Variants in DNM1L observed in about 807,000 individuals in gnomAD.
The protein encoded by DNM1L is dynamin-1-like protein.
DNM1L carries 33 observed loss-of-function variants against 92.8 expected under a neutral mutation model. The observed-to-expected ratio is 0.36, with a 90% CI of 0.27 to 0.48. DNM1L has a LOEUF of 0.48. Ranked by LOEUF, DNM1L falls within the 20% of genes least tolerant of loss-of-function variation. The pLI, the probability that DNM1L is intolerant of heterozygous loss-of-function variation, is 0.99. For synonymous variants in DNM1L, 284 were observed against 305.0 expected (o/e 0.93, Z 0.72); for missense variants, 485 against 888.8 (o/e 0.55, Z 5.78).
chr12:32,738,640 C>G (rs1328832057), intron 16 of DNM1L, among the ~76,000 whole-genome samples: 1 of 152,020 alleles, frequency 6.6e-6, no homozygotes, highest in Non-Finnish European at 1.5e-5. Flanking sequence ...ACTAATAGAT[C>G]TAATGCTTCT....
At chr12:32,741,040 T>C (rs1409969366) in intron 18 of DNM1L, among the ~76,000 whole-genome samples, 1 of 152,220 alleles carries the variant, frequency 6.6e-6, no homozygotes, top group Non-Finnish European at 1.5e-5. Flanking sequence ...AAGTGATCTA[T>C]TAGAAAATAT....
intron 18 of DNM1L, among the ~76,000 whole-genome samples, chr12:32,740,752 A>C (rs958716318): frequency 6.6e-6 from 1 of 152,222 alleles, no homozygotes; most frequent in African/African-American, 2.4e-5. Context: ...CTTTTGTTCT[A>C]TCTGGCTGCC....
chr12:32,721,081 T>C (rs1258067240), intron 8 of DNM1L, among the ~76,000 whole-genome samples: 5 of 152,260 alleles, frequency 3.3e-5, no homozygotes, highest in Non-Finnish European at 7.3e-5. Flanking sequence ...GATGACTTCA[T>C]TTCCACTTTG....
intron 14 of DNM1L, chr12:32,737,453 T>C (rs1305225727): frequency 2.4e-6 from 1 of 416,730 alleles, no homozygotes; most frequent in African/African-American, 2.0e-5. Context: ...ACTTTGCACA[T>C]AGCTGAAATG....
intron 6 of DNM1L, among the ~76,000 whole-genome samples, chr12:32,716,100 T>C (rs1157316284): frequency 6.6e-6 from 1 of 152,058 alleles, no homozygotes; most frequent in African/African-American, 2.4e-5. Context: ...AGAACACGGA[T>C]GAATCTCAAA....
In DNM1L at chr12:32,711,029, A is replaced by G. The variant is rs1448051111; in HGVS notation, c.456+14A>G. 1.2e-6 allele frequency: 2 copies of G among 1,611,060 alleles called. No individual in the cohort carries two copies. The highest frequency in any genetic ancestry group is 1.7e-6 in the Non-Finnish European group (2 of 1,177,412). On this transcript the variant is annotated intron_variant, in intron 5 of 19. Coordinates refer to ENST00000549701, the MANE Select transcript of DNM1L (RefSeq NM_012062.5). ...GGAATGACCAAGGTAAGGAAGGAAT[A>G]GTTGTAGATTTGGTCAGGTTGTTTT...
chr12:32,729,272 G>C (rs1954380063), intron 9 of DNM1L, among the ~76,000 whole-genome samples: 2 of 151,610 alleles, frequency 1.3e-5, no homozygotes, highest in South Asian at 4.2e-4. Flanking sequence ...TAGTAGAGAT[G>C]GAGTTTCACC....
At chr12:32,695,398 CACT>C (rs1952400197) in intron 1 of DNM1L, among the ~76,000 whole-genome samples, 1 of 152,052 alleles carries the variant, frequency 6.6e-6, no homozygotes, top group African/African-American at 2.4e-5. Flanking sequence ...AGACAGAAGA[CACT>C]ACAATGATAA....
chr12:32,744,168 G>A lies in DNM1L; in HGVS notation c.*758G>A, dbSNP rs776651605. On this transcript the variant is annotated 3_prime_UTR_variant, in exon 20 of 20. Coordinates refer to ENST00000549701, the MANE Select transcript of DNM1L (RefSeq NM_012062.5). ...TGATTATCTAGAAAGACTTGGTAAT[G>A]ATGGTCAGTTCCTTTTAGATTTCAG... 1 of 152,222 alleles carries A rather than the reference G, an allele frequency of 6.6e-6. No individual in the cohort carries two copies. Among genetic ancestry groups the A allele is most frequent in the Non-Finnish European group, 1.5e-5 (1 of 68,064 alleles). 9.4% of individuals were successfully genotyped at this position (152,222 alleles called of 1,614,324 possible). A position where few individuals can be genotyped will look rare whatever the true frequency, so the allele number is the denominator to read the frequency against.
At chr12:32,693,614 G>A (rs925466612) in intron 1 of DNM1L, among the ~76,000 whole-genome samples, 2 of 151,908 alleles carry the variant, frequency 1.3e-5, no homozygotes, top group South Asian at 4.2e-4. Flanking sequence ...TTATAGAGTC[G>A]CACAACCATC....
intron 2 of DNM1L, among the ~76,000 whole-genome samples, chr12:32,704,577 A>G (rs1952848292): frequency 3.3e-5 from 5 of 151,864 alleles, no homozygotes; most frequent in African/African-American, 7.3e-5. Context: ...GCAAACATAC[A>G]TGTTTCGTAG....
intron 1 of DNM1L, among the ~76,000 whole-genome samples, chr12:32,695,749 G>A (rs1188616101): frequency 6.6e-6 from 1 of 152,198 alleles, no homozygotes; most frequent in Non-Finnish European, 1.5e-5. Flanking sequence ...ACCAGCCTGG[G>A]CAACAGAGTG....
At position 32,740,201 on chromosome 12, in the gene DNM1L, C is replaced by A; in HGVS notation, c.1845C>A (p.Ala615=). ...CAAAACCCATTCCAATTATGCCAGC[C>A]AGTCCACAAAAAGGTCATGCCGTGA... ...EKSKPIPIMP[A]SPQKGHAVNL... is the part of the protein sequence containing the mutation. Residue 615 remains alanine, a synonymous_variant, in exon 17 of 20, where the codon GCC becomes GCA. Coordinates refer to ENST00000549701, the MANE Select transcript of DNM1L (RefSeq NM_012062.5). 1 of 1,614,060 alleles carries A rather than the reference C, an allele frequency of 6.2e-7. No individual in the cohort carries two copies. The highest frequency in any genetic ancestry group is 8.5e-7 in the Non-Finnish European group (1 of 1,180,014).
chr12:32,701,982 C>T (rs1952720278), intron 2 of DNM1L, among the ~76,000 whole-genome samples: 1 of 150,154 alleles, frequency 6.7e-6, no homozygotes, highest in African/African-American at 2.4e-5. Flanking sequence ...CCCGCCTTGG[C>T]CTCCCAAAGT....
intron 8 of DNM1L, 82 bp from the exon 9 acceptor site, chr12:32,722,345 C>T: frequency 9.0e-7 from 1 of 1,107,218 alleles, no homozygotes; most frequent in Admixed American, 1.9e-5. Flanking sequence ...GATAGGTTTT[C>T]CCCATTGTAA....
chr12:32,731,529 A>ATTTTTT lies in DNM1L; in HGVS notation c.1356+18_1356+19insTTTTTT. The ATTTTTT allele has an allele frequency of 6.2e-7, 1 of 1,613,696 alleles. No individual in the cohort carries two copies. The highest frequency in any genetic ancestry group is 8.5e-7 in the Non-Finnish European group (1 of 1,179,948). On this transcript the variant is annotated intron_variant, in intron 11 of 19. Coordinates refer to ENST00000549701, the MANE Select transcript of DNM1L (RefSeq NM_012062.5). The surrounding 1 kb of genome is among the most constrained non-coding windows in gnomAD (Gnocchi z 5.1). ...GTACACAGGTAACGGAGAGAAATGT[A>ATTTTTT]ACAGGTTTCACATGAACTAGAAAAG...
intron 16 of DNM1L, among the ~76,000 whole-genome samples, chr12:32,738,781 C>T (rs1955083268): frequency 6.6e-6 from 1 of 152,050 alleles, no homozygotes; most frequent in South Asian, 2.1e-4. Flanking sequence ...TCTTGATAAC[C>T]ATTTTAGAGG....
chr12:32,698,756 T>C, intron 1 of DNM1L, among the ~76,000 whole-genome samples: 1 of 152,204 alleles, frequency 6.6e-6, no homozygotes, highest in East Asian at 1.9e-4. Context: ...TTAAAATGTA[T>C]AATAGAGGTT....
rs1565522065 is a variant in DNM1L at position 32,720,645 on chromosome 12, GT to G, written c.741-17del. On this transcript the variant is annotated intron_variant, in intron 7 of 19. Transcript: ENST00000549701. Reference sequence around the variant, plus strand: ...GACAACAGTTAAGCTGAATAGTTTCGTTATTTTTTCAACCTCAGGAGCCAGC... The same window carrying G: ...GACAACAGTTAAGCTGAATAGTTTCGTATTTTTTCAACCTCAGGAGCCAGC... 6.2e-7 allele frequency: 1 copy of G among 1,613,464 alleles called. No individual in the cohort carries two copies. Among genetic ancestry groups the G allele is most frequent in the Admixed American group, 1.7e-5 (1 of 60,006 alleles).
Sources: gnomAD v4.1 joint callset for allele counts (sites outside exome capture counted in the v4.1 genomes callset) on GRCh38, gnomAD v4.1.1 for gene constraint, Gnocchi (gnomAD v3.1) non-coding constraint, MANE v1.5 for transcripts, NCBI Gene and HGNC (gene_info 2026-07-23, HGNC 2026-07-21) for gene names.